The following GALNT18 variants were observed in gnomAD, a reference collection of about 807,000 sequenced individuals.
The protein encoded by GALNT18 is polypeptide N-acetylgalactosaminyltransferase 18.
GALNT18 carries 44 observed loss-of-function variants against 69.5 expected under a neutral mutation model. The ratio of observed to expected loss-of-function variants is 0.63; its 90% CI spans 0.50 to 0.81. The LOEUF is 0.81. Among genes scored for constraint, GALNT18 ranks in the 40% least tolerant of loss-of-function variants. The pLI, the probability that GALNT18 is intolerant of heterozygous loss-of-function variation, is 0.00. For missense variants in GALNT18, 715 were observed against 810.0 expected, an observed-to-expected ratio of 0.88 and a Z score of 1.42; for synonymous variants, 364 against 318.2, an observed-to-expected ratio of 1.14 and a Z score of -1.53.
At chr11:11,281,686 C>G (rs1849078011) in intron 10 of GALNT18, among the ~76,000 whole-genome samples, 1 of 152,158 alleles carries the variant, frequency 6.6e-6, no homozygotes, top group Non-Finnish European at 1.5e-5. Context: ...CCTTCAGAGA[C>G]TCCCATCTGA....
chr11:11,473,738 T>G (rs565616543), intron 1 of GALNT18, among the ~76,000 whole-genome samples: 2 of 152,300 alleles, frequency 1.3e-5, no homozygotes, highest in African/African-American at 4.8e-5. Flanking sequence ...ACCTATTGCA[T>G]GTCAGGCACC....
chr11:11,448,491 C>T (rs1015736318), intron 2 of GALNT18, among the ~76,000 whole-genome samples: 25 of 152,200 alleles, frequency 1.6e-4, no homozygotes, highest in South Asian at 6.2e-4. Context: ...GTGTCCTTAA[C>T]GAGTAAATTA....
At position 11,432,733 on chromosome 11, in the gene GALNT18, G is replaced by A. The variant is rs1168674128; in HGVS notation, c.483C>T (p.Ile161=). The A allele has an allele frequency of 6.2e-7, 1 of 1,614,156 alleles. No homozygotes were observed. The change falls in exon 3 of 11, where the codon ATC becomes ATT. Residue 161 remains isoleucine (I), a synonymous_variant. Coordinates refer to ENST00000227756, the MANE Select transcript of GALNT18 (RefSeq NM_198516.3). The surrounding 1 kb of genome is among the most constrained non-coding windows in gnomAD (Gnocchi z 5.8). ...DSLPEVSIVF[I]FVNEALSVLL... is the part of the protein sequence containing the mutation. ...GCACTGAAAGCGCTTCATTGACGAA[G>A]ATGAACACGATGCTCACCTCTGGCA...
Position 11,387,514 on chromosome 11 carries a change from T to C in GALNT18, c.596-8250A>G, listed in dbSNP as rs1453280936. ...TTGCTTGTCTCCAATGGTGCTAATT[T>C]AAAGATTAAAAGTGTGTTTATTCCT... On this transcript the variant is annotated intron_variant, in intron 3 of 10. Coordinates refer to ENST00000227756, the MANE Select transcript of GALNT18 (RefSeq NM_198516.3). The surrounding 1 kb of genome is among the most constrained non-coding windows in gnomAD (Gnocchi z 4.6). Among the ~76,000 whole-genome samples, 1 of 152,226 alleles carries C rather than the reference T, an allele frequency of 6.6e-6. No homozygotes were observed. Among genetic ancestry groups the C allele is most frequent in the Non-Finnish European group, 1.5e-5 (1 of 68,040 alleles).
intron 9 of GALNT18, among the ~76,000 whole-genome samples, chr11:11,294,787 T>A (rs1354810664): frequency 6.6e-6 from 1 of 152,110 alleles, no homozygotes; most frequent in Non-Finnish European, 1.5e-5. Context: ...CAGTCAGGGC[T>A]CCGAGTGAAA....
In GALNT18 at chr11:11,432,531, C is replaced by G; in HGVS notation, c.595+90G>C. On this transcript the variant is annotated intron_variant, in intron 3 of 10. Transcript: ENST00000227756. This position sits in a 1 kb window ranked among gnomAD's most constrained non-coding sequence, Gnocchi z 5.8. Reference sequence around the variant, plus strand: ...CAGAGAAAGAGCAGCCACAGACAGCCTTGAGCAAATGTGAACCACGACGCT... The same window carrying G: ...CAGAGAAAGAGCAGCCACAGACAGCGTTGAGCAAATGTGAACCACGACGCT... 1 of 1,337,356 alleles carries G rather than the reference C, an allele frequency of 7.5e-7. No individual in the cohort carries two copies. Among genetic ancestry groups the G allele is most frequent in the Non-Finnish European group, 1.0e-6 (1 of 976,468 alleles). The allele number at this position is 1,337,356 out of a possible 1,614,324, so 82.8% of individuals were successfully genotyped here.
intron 3 of GALNT18, among the ~76,000 whole-genome samples, chr11:11,410,619 C>A (rs1013878551): frequency 6.6e-6 from 1 of 152,172 alleles, no homozygotes; most frequent in African/African-American, 2.4e-5. Context: ...AGATTTCTCA[C>A]CCCTGCAGTT....
rs1849798266 is a variant in GALNT18 at position 11,318,878 on chromosome 11, G to C, written c.1512+8208C>G. 6.6e-6 allele frequency among the ~76,000 whole-genome samples: 1 copy of C among 152,134 alleles called. No homozygotes were observed. Among genetic ancestry groups the C allele is most frequent in the African/African-American group, 2.4e-5 (1 of 41,400 alleles). On this transcript the variant is annotated intron_variant, in intron 9 of 10. Transcript: ENST00000227756. This position sits in a 1 kb window ranked among gnomAD's most constrained non-coding sequence, Gnocchi z 5.1. The stretch of plus-strand genomic sequence containing the variant: ...AGAGAATGTACTCATGCTTGACTTT[G>C]CTATTTACCTTTTGATTCTCTCTCA...
At chr11:11,533,349 C>T (rs1158261422) in intron 1 of GALNT18, among the ~76,000 whole-genome samples, 1 of 152,188 alleles carries the variant, frequency 6.6e-6, no homozygotes, top group Non-Finnish European at 1.5e-5. Context: ...AATGAGGAAG[C>T]CAGGATCCAA....
chr11:11,348,333 G>A (rs61872417), intron 6 of GALNT18, among the ~76,000 whole-genome samples: 7,235 of 149,118 alleles, frequency 0.049, 235 homozygotes, highest in Admixed American at 0.091. Flanking sequence ...AGCCAAGATC[G>A]CGCCATTGCA....
At chr11:11,499,442 C>G (rs185445059) in intron 1 of GALNT18, among the ~76,000 whole-genome samples, 113 of 152,318 alleles carry the variant, frequency 7.4e-4, no homozygotes, top group African/African-American at 2.5e-3. Flanking sequence ...CTCCCTCCCC[C>G]ACCTGTGGGC....
intron 1 of GALNT18, among the ~76,000 whole-genome samples, chr11:11,594,692 T>G (rs74932606): frequency 0.023 from 3,533 of 152,062 alleles, 151 homozygotes; most frequent in African/African-American, 0.081. Flanking sequence ...ATACCATATT[T>G]GTTTATCCAT....
Position 11,270,893 on chromosome 11 carries a change from T to G in GALNT18, c.*251A>C. 5.4e-6 allele frequency: 2 copies of G among 371,472 alleles called. No individual in the cohort carries two copies. Among genetic ancestry groups the G allele is most frequent in the Non-Finnish European group, 9.7e-6 (2 of 205,858 alleles). 23.0% of individuals were successfully genotyped at this position (371,472 alleles called of 1,614,324 possible). On this transcript the variant is annotated 3_prime_UTR_variant, in exon 11 of 11. Transcript: ENST00000227756. The stretch of plus-strand genomic sequence containing the variant: ...GCAAAACCCTTTTCTTAATAATATT[T>G]TATTGTCAGTTATAAATATTTTCCA...
chr11:11,303,300 T>C (rs1383285674), intron 9 of GALNT18, among the ~76,000 whole-genome samples: 1 of 152,102 alleles, frequency 6.6e-6, no homozygotes, highest in Non-Finnish European at 1.5e-5. Context: ...CCTCCAGAAA[T>C]CCCCAGCAGC....
At chr11:11,443,579 G>A (rs1855579320) in intron 2 of GALNT18, among the ~76,000 whole-genome samples, 1 of 151,980 alleles carries the variant, frequency 6.6e-6, no homozygotes, top group African/African-American at 2.4e-5. Context: ...AGCACACAGA[G>A]AGAGCCATAG....
chr11:11,417,747 T>C (rs995067044), intron 3 of GALNT18, among the ~76,000 whole-genome samples: 1 of 152,226 alleles, frequency 6.6e-6, no homozygotes, highest in Non-Finnish European at 1.5e-5. Context: ...CCCCTGAGCA[T>C]AGAACAAGGT....
chr11:11,297,584 C>T (rs997599606), intron 9 of GALNT18, among the ~76,000 whole-genome samples: 1 of 152,164 alleles, frequency 6.6e-6, no homozygotes, highest in Non-Finnish European at 1.5e-5. Flanking sequence ...CACTGTGATC[C>T]CTTCCAACCA....
At chr11:11,280,066 C>A (rs143603922) in intron 10 of GALNT18, among the ~76,000 whole-genome samples, 2 of 152,002 alleles carry the variant, frequency 1.3e-5, no homozygotes, top group Non-Finnish European at 2.9e-5. Context: ...ATGGCCCAGC[C>A]GATCACACAA....
intron 1 of GALNT18, among the ~76,000 whole-genome samples, chr11:11,578,706 T>G (rs1412935660): frequency 6.6e-6 from 1 of 152,244 alleles, no homozygotes. Context: ...CCGGGCCTCC[T>G]GTGCGCAGGA....
Sources: allele counts gnomAD v4.1 joint callset (sites outside exome capture counted in the v4.1 genomes callset), GRCh38; gene constraint gnomAD v4.1.1; non-coding constraint Gnocchi (gnomAD v3.1); transcripts MANE v1.5; gene names NCBI Gene and HGNC (gene_info 2026-07-23, HGNC 2026-07-21).